Variants in MCC observed in about 807,000 individuals in gnomAD.
MCC encodes the protein colorectal mutant cancer protein.
Under a neutral mutation model 116.2 loss-of-function variants are expected in MCC, and 90 were observed. The observed-to-expected ratio is 0.77, with a 90% CI of 0.65 to 0.92. MCC has a LOEUF of 0.92. MCC is among the 40% of genes least tolerant of loss of function. The probability of loss-of-function intolerance (pLI) is 0.00; values close to 1 mark genes in which losing one functional copy is unlikely to be tolerated. For missense variants in MCC, 1,516 were observed against 1,312.2 expected, an observed-to-expected ratio of 1.16 and a Z score of -2.40; for synonymous variants, 578 against 510.5, an observed-to-expected ratio of 1.13 and a Z score of -1.78.
At chr5:113,124,643 G>A (rs2150271969) in intron 5 of MCC, among the ~76,000 whole-genome samples, 1 of 152,320 alleles carries the variant, frequency 6.6e-6, no homozygotes, top group South Asian at 2.1e-4. Context: ...ATAAAGCAGT[G>A]AATTGGGAAA....
At chr5:113,229,090 G>A (rs1207146381) in intron 3 of MCC, among the ~76,000 whole-genome samples, 1 of 152,180 alleles carries the variant, frequency 6.6e-6, no homozygotes, top group Non-Finnish European at 1.5e-5. Context: ...AGAGGTCAGT[G>A]TTTGGATGGT....
chr5:113,093,044 A>G (rs1755754650), intron 8 of MCC, among the ~76,000 whole-genome samples: 2 of 152,220 alleles, frequency 1.3e-5, no homozygotes, highest in Non-Finnish European at 2.9e-5. Context: ...AGCCATATGG[A>G]CAAACCTTAA....
At chr5:113,050,368 G>A (rs1561754671) in intron 15 of MCC, among the ~76,000 whole-genome samples, 1 of 152,090 alleles carries the variant, frequency 6.6e-6, no homozygotes, top group Non-Finnish European at 1.5e-5. Flanking sequence ...ACTCACCTGA[G>A]GTTAGTTCAG....
chr5:113,434,364 T>C lies in MCC; in HGVS notation c.171-49152A>G, dbSNP rs745987204. ...ACCACTGTCATCCCGCAGGCAGCGC[T>C]TGGAGAAGCTGAAGTCGGACAGCTT... On this transcript the variant is annotated intron_variant, in intron 1 of 18. Coordinates refer to ENST00000408903, the MANE Select transcript of MCC (RefSeq NM_001085377.2). This position sits in a 1 kb window ranked among gnomAD's most constrained non-coding sequence, Gnocchi z 4.2. 3.7e-6 allele frequency: 6 copies of C among 1,613,888 alleles called. No homozygotes were observed. Among genetic ancestry groups the C allele is most frequent in the Non-Finnish European group, 5.1e-6 (6 of 1,179,944 alleles).
chr5:113,028,921 G>A lies in MCC; in HGVS notation c.2879+13C>T. 2 of 1,612,782 alleles carry A rather than the reference G, an allele frequency of 1.2e-6. No homozygotes were observed. The highest frequency in any genetic ancestry group is 1.1e-5 in the South Asian group (1 of 90,828). ...TGGAGGGCGGTGGGGGCTGGGTATAGGGAGATTTTTACCTGTTGGCCCGCT... is the reference window on the plus strand; with the variant it reads ...TGGAGGGCGGTGGGGGCTGGGTATAAGGAGATTTTTACCTGTTGGCCCGCT... On this transcript the variant is annotated intron_variant, in intron 18 of 18. Transcript: ENST00000408903.
chr5:113,311,216 C>T (rs1767127771), intron 3 of MCC, among the ~76,000 whole-genome samples: 1 of 152,216 alleles, frequency 6.6e-6, no homozygotes, highest in African/African-American at 2.4e-5. Flanking sequence ...CCATACTTTA[C>T]CCATGCCTGT....
intron 8 of MCC, among the ~76,000 whole-genome samples, chr5:113,088,135 TTTA>T (rs1755334285): frequency 6.6e-6 from 1 of 152,178 alleles, no homozygotes. Flanking sequence ...TGGGCTATGC[TTTA>T]TTATTTAATG....
chr5:113,457,175 T>C (rs1199853990), intron 1 of MCC, among the ~76,000 whole-genome samples: 1 of 152,180 alleles, frequency 6.6e-6, no homozygotes, highest in Admixed American at 6.5e-5. Flanking sequence ...CGGGGCTGCC[T>C]GCAGCGCTTG....
At chr5:113,174,384 G>A (rs896340972) in intron 3 of MCC, among the ~76,000 whole-genome samples, 1 of 152,096 alleles carries the variant, frequency 6.6e-6, no homozygotes, top group Non-Finnish European at 1.5e-5. Flanking sequence ...CACCTAAGGA[G>A]CACCTCTTTT....
chr5:113,303,017 GTAA>G (rs1766900556), intron 3 of MCC, among the ~76,000 whole-genome samples: 1 of 152,172 alleles, frequency 6.6e-6, no homozygotes, highest in South Asian at 2.1e-4. Context: ...TTGGATACAG[GTAA>G]TGAGAGAAAG....
chr5:113,403,179 G>C (rs561024732), intron 1 of MCC, among the ~76,000 whole-genome samples: 1 of 152,188 alleles, frequency 6.6e-6, no homozygotes, highest in East Asian at 1.9e-4. Context: ...ATAGATTAGA[G>C]ACCAGTGTGG....
intron 3 of MCC, among the ~76,000 whole-genome samples, chr5:113,236,481 A>AT (rs1210235287): frequency 2.0e-5 from 3 of 152,052 alleles, no homozygotes; most frequent in East Asian, 1.9e-4. Flanking sequence ...TGTTACTTAA[A>AT]TTTTTTCTGT....
At chr5:113,445,413 A>G (rs1017867317) in intron 1 of MCC, among the ~76,000 whole-genome samples, 1 of 152,174 alleles carries the variant, frequency 6.6e-6, no homozygotes, top group Non-Finnish European at 1.5e-5. Context: ...TACAAAATCA[A>G]TGTATTAATA....
chr5:113,072,090 C>T (rs748774538), intron 11 of MCC, among the ~76,000 whole-genome samples: 1 of 152,184 alleles, frequency 6.6e-6, no homozygotes, highest in Non-Finnish European at 1.5e-5. Flanking sequence ...TACAGATGCT[C>T]TTGATGCCAC....
rs565148181 is a variant in MCC at position 113,178,466 on chromosome 5, T to C, written c.628-27044A>G. Among the ~76,000 whole-genome samples the C allele has an allele frequency of 1.3e-5, 2 of 152,268 alleles. 1 individual carries two copies. Among genetic ancestry groups the C allele is most frequent in the African/African-American group, 4.8e-5 (2 of 41,554 alleles). ...GGGGATTGCCAGGGCAGAAGATTTA[T>C]TTATGAGGGATATATTGGGAAGGGT... On this transcript the variant is annotated intron_variant, in intron 3 of 18. Coordinates refer to ENST00000408903, the MANE Select transcript of MCC (RefSeq NM_001085377.2).
chr5:113,044,439 G>C, intron 16 of MCC: 1 of 963,674 alleles, frequency 1.0e-6, no homozygotes, highest in Non-Finnish European at 1.2e-6. Context: ...GAGGACAGCA[G>C]CCACACTACA....
chr5:113,132,542 G>A (rs144943592), intron 5 of MCC, among the ~76,000 whole-genome samples: 1 of 151,622 alleles, frequency 6.6e-6, no homozygotes, highest in East Asian at 1.9e-4. Context: ...AACTGGTCAT[G>A]AGGCTATAGC....
chr5:113,471,609 G>A (rs1030469282), intron 1 of MCC, among the ~76,000 whole-genome samples: 2 of 152,064 alleles, frequency 1.3e-5, no homozygotes, highest in Non-Finnish European at 2.9e-5. Flanking sequence ...TAGGCTACTC[G>A]GGGGTCAGGG....
chr5:113,213,513 T>C (rs1435244678), intron 3 of MCC, among the ~76,000 whole-genome samples: 1 of 152,074 alleles, frequency 6.6e-6, no homozygotes, highest in Admixed American at 6.5e-5. Context: ...CTAATAAAAA[T>C]ATTTAGTCAT....
Sources: gnomAD v4.1 joint callset for allele counts (sites outside exome capture counted in the v4.1 genomes callset) on GRCh38, gnomAD v4.1.1 for gene constraint, Gnocchi (gnomAD v3.1) non-coding constraint, MANE v1.5 for transcripts, NCBI Gene and HGNC (gene_info 2026-07-23, HGNC 2026-07-21) for gene names.